The following CNTNAP2 variants were observed in gnomAD, a reference collection of about 807,000 sequenced individuals.
CNTNAP2 encodes the protein contactin associated protein 2.
CNTNAP2 carries 98 observed loss-of-function variants against 155.2 expected under a neutral mutation model. The observed-to-expected ratio is 0.63, with a 90% CI of 0.54 to 0.75. CNTNAP2 has a LOEUF of 0.75. CNTNAP2 is among the 30% of genes least tolerant of loss of function. The pLI is 0.00. For synonymous variants in CNTNAP2, 651 were observed against 631.2 expected, an observed-to-expected ratio of 1.03 and a Z score of -0.47; for missense variants, 1,727 against 1,688.1, an observed-to-expected ratio of 1.02 and a Z score of -0.40.
At chr7:147,104,413 CTATGTACA>C (rs1296818245) in intron 4 of CNTNAP2, among the ~76,000 whole-genome samples, 1 of 151,714 alleles carries the variant, frequency 6.6e-6, no homozygotes, top group Non-Finnish European at 1.5e-5. Flanking sequence ...ATATGTGTAT[CTATGTACA>C]TACGTAAAGA....
At chr7:147,484,207 T>TA (rs1233542817) in intron 10 of CNTNAP2, among the ~76,000 whole-genome samples, 2 of 152,186 alleles carry the variant, frequency 1.3e-5, no homozygotes, top group African/African-American at 4.8e-5. Context: ...CCAAATTTTA[T>TA]AAAAAAGTAA....
chr7:147,902,812 G>A (rs757276779), intron 13 of CNTNAP2, among the ~76,000 whole-genome samples: 2,562 of 126,986 alleles, frequency 0.02, 23 homozygotes, highest in South Asian at 0.037. Flanking sequence ...GTGTGTGTGT[G>A]TATGTGTGTG....
intron 3 of CNTNAP2, among the ~76,000 whole-genome samples, chr7:146,901,013 C>T (rs1052563600): frequency 6.7e-6 from 1 of 148,406 alleles, no homozygotes; most frequent in Non-Finnish European, 1.5e-5. Context: ...ATCAACAATG[C>T]TATTCTGATT....
At chr7:148,143,572 G>C (rs1563213582) in intron 16 of CNTNAP2, among the ~76,000 whole-genome samples, 1 of 152,216 alleles carries the variant, frequency 6.6e-6, no homozygotes, top group Non-Finnish European at 1.5e-5. Flanking sequence ...TCAGCTACTT[G>C]AGAGGCTGAG....
intron 3 of CNTNAP2, among the ~76,000 whole-genome samples, chr7:146,899,264 A>C (rs897277240): frequency 6.6e-6 from 1 of 152,106 alleles, no homozygotes. Flanking sequence ...TCTCCATTAC[A>C]ATCCCATTTG....
chr7:148,147,927 C>T (rs1805223374), intron 17 of CNTNAP2, among the ~76,000 whole-genome samples: 1 of 152,186 alleles, frequency 6.6e-6, no homozygotes, highest in South Asian at 2.1e-4. Context: ...TGGGAGCTCA[C>T]TGTCCTCAGC....
rs1423591893 is a variant in CNTNAP2, at chr7:148,418,530, C to T, written c.*2914C>T. 1.1e-5 allele frequency: 1 copy of T among 87,904 alleles called. No individual in the cohort carries two copies. Among genetic ancestry groups the T allele is most frequent in the Non-Finnish European group, 2.3e-5 (1 of 42,660 alleles). 5.4% of individuals were successfully genotyped at this position (87,904 alleles called of 1,614,324 possible). On this transcript the variant is annotated 3_prime_UTR_variant, in exon 24 of 24. Transcript: ENST00000361727. ...CAGGAAACATCTTCTGTGTATGAAGCAAATGTCGATGTTTTGAAAAAAGCT... is the reference window on the plus strand; with the variant it reads ...CAGGAAACATCTTCTGTGTATGAAGTAAATGTCGATGTTTTGAAAAAAGCT...
chr7:147,988,450 T>G (rs1253984027), intron 15 of CNTNAP2, among the ~76,000 whole-genome samples: 1 of 152,224 alleles, frequency 6.6e-6, no homozygotes, highest in Non-Finnish European at 1.5e-5. Flanking sequence ...TATTTTGATT[T>G]TCTTCCTTGT....
At chr7:146,358,599 C>G (rs12703802) in intron 1 of CNTNAP2, among the ~76,000 whole-genome samples, 73,114 of 151,964 alleles carry the variant, frequency 0.48, 20,377 homozygotes, top group African/African-American at 0.77. Flanking sequence ...GAGGAAAGAT[C>G]GTATTAATAT....
intron 13 of CNTNAP2, among the ~76,000 whole-genome samples, chr7:147,771,867 TCA>T (rs909278272): frequency 1.3e-5 from 2 of 152,198 alleles, no homozygotes; most frequent in Non-Finnish European, 2.9e-5. Flanking sequence ...GAAAATTATA[TCA>T]CAATATTCTT....
chr7:146,194,753 G>T (rs1388446650), intron 1 of CNTNAP2, among the ~76,000 whole-genome samples: 1 of 152,160 alleles, frequency 6.6e-6, no homozygotes, highest in Non-Finnish European at 1.5e-5. Context: ...TGAAGTTCAT[G>T]ATATTTTATC....
chr7:147,007,937 G>T (rs576976425), intron 3 of CNTNAP2, among the ~76,000 whole-genome samples: 12 of 152,118 alleles, frequency 7.9e-5, no homozygotes, highest in African/African-American at 2.9e-4. Flanking sequence ...TCAATGGAAA[G>T]AAAAGCTAAG....
intron 1 of CNTNAP2, among the ~76,000 whole-genome samples, chr7:146,466,260 G>T (rs10273433): frequency 0.24 from 36,073 of 152,108 alleles, 7,218 homozygotes; most frequent in African/African-American, 0.55. Flanking sequence ...GGATCTGAGA[G>T]GTGAGAATTC....
At chr7:147,073,496 A>C (rs1433234319) in intron 4 of CNTNAP2, among the ~76,000 whole-genome samples, 1 of 152,292 alleles carries the variant, frequency 6.6e-6, no homozygotes, top group Non-Finnish European at 1.5e-5. Context: ...ATTGTGACTT[A>C]GCTATGCATA....
intron 8 of CNTNAP2, among the ~76,000 whole-genome samples, chr7:147,156,969 C>T (rs73154382): frequency 0.016 from 2,427 of 152,240 alleles, 27 homozygotes; most frequent in South Asian, 0.042. Flanking sequence ...CCCATATCCA[C>T]ATTTCTGCTT....
intron 12 of CNTNAP2, among the ~76,000 whole-genome samples, chr7:147,571,206 G>T (rs1800282823): frequency 6.7e-6 from 1 of 150,358 alleles, no homozygotes; most frequent in African/African-American, 2.4e-5. Context: ...TGCCATGTTG[G>T]TGTGCTGCAC....
intron 16 of CNTNAP2, among the ~76,000 whole-genome samples, chr7:148,145,298 T>C (rs1174302486): frequency 6.6e-6 from 1 of 152,132 alleles, no homozygotes; most frequent in Non-Finnish European, 1.5e-5. Context: ...AATAAAATAT[T>C]GATGTTAAGG....
At chr7:146,979,640 A>G (rs1797976378) in intron 3 of CNTNAP2, among the ~76,000 whole-genome samples, 1 of 152,170 alleles carries the variant, frequency 6.6e-6, no homozygotes, top group Admixed American at 6.5e-5. Context: ...CAACACTATG[A>G]GCAGTGTTGA....
At chr7:147,137,003 T>C (rs2129286314) in intron 8 of CNTNAP2, among the ~76,000 whole-genome samples, 1 of 152,046 alleles carries the variant, frequency 6.6e-6, no homozygotes, top group South Asian at 2.1e-4. Flanking sequence ...GTTCTCTAAT[T>C]CAAGTTTAAA....
Sources: gnomAD v4.1 joint callset for allele counts (sites outside exome capture counted in the v4.1 genomes callset) on GRCh38, gnomAD v4.1.1 for gene constraint, MANE v1.5 for transcripts, NCBI Gene and HGNC (gene_info 2026-07-23, HGNC 2026-07-21) for gene names.